C12orf42: variants seen among roughly 807,000 people sequenced by gnomAD.
The protein encoded by C12orf42 is uncharacterized protein C12orf42.
C12orf42 carries 25 observed loss-of-function variants against 21.6 expected under a neutral mutation model. The ratio of observed to expected loss-of-function variants is 1.16; its 90% CI spans 0.84 to 1.62. C12orf42 has a LOEUF of 1.62. Ranked by LOEUF, C12orf42 falls within the 40% of genes most tolerant of loss-of-function variation. The probability of loss-of-function intolerance (pLI) is 0.00; values close to 1 mark genes in which losing one functional copy is unlikely to be tolerated. For missense variants in C12orf42, 483 were observed against 459.3 expected, an observed-to-expected ratio of 1.05 and a Z score of -0.47; for synonymous variants, 174 against 175.0, an observed-to-expected ratio of 0.99 and a Z score of 0.05.
chr12:103,520,056 AAAG>A, the C12orf42 span, among the ~76,000 whole-genome samples: 1 of 152,200 alleles, frequency 6.6e-6, no homozygotes. Context: ...TCAAAGTGAC[AAAG>A]AAGTCCCACT....
intron 10 of C12orf42, among the ~76,000 whole-genome samples, chr12:103,255,453 A>T (rs2034515819): frequency 6.6e-6 from 1 of 152,168 alleles, no homozygotes; most frequent in Non-Finnish European, 1.5e-5. Flanking sequence ...CTCCCATTTA[A>T]ATTTTAGATT....
chr12:103,146,555 GAAAGA>G, the C12orf42 span, among the ~76,000 whole-genome samples: 6 of 87,874 alleles, frequency 6.8e-5, no homozygotes, highest in Non-Finnish European at 1.3e-4. Flanking sequence ...GAGAAATAAA[GAAAGA>G]AAAGAAAGAA....
At chr12:103,434,978 C>A (rs1429229384) in intron 2 of C12orf42, among the ~76,000 whole-genome samples, 2 of 152,228 alleles carry the variant, frequency 1.3e-5, no homozygotes, top group African/African-American at 4.8e-5. Context: ...ACAGCAGTAA[C>A]CTCTGCAGAC....
the C12orf42 span, among the ~76,000 whole-genome samples, chr12:103,135,807 C>T: frequency 1.1e-4 from 16 of 152,236 alleles, no homozygotes; most frequent in African/African-American, 1.9e-4. Context: ...AGACAAAGAA[C>T]GTATGGTTAT....
chr12:103,124,480 A>G, the C12orf42 span, among the ~76,000 whole-genome samples: 3 of 152,120 alleles, frequency 2.0e-5, no homozygotes, highest in Non-Finnish European at 2.9e-5. Context: ...CAGGACTCCA[A>G]GAGATCCTTG....
chr12:103,306,211 C>A lies in C12orf42; in HGVS notation c.394G>T (p.Ala132Ser), dbSNP rs1366557810. 1 of 1,613,922 alleles carries A rather than the reference C, an allele frequency of 6.2e-7. No homozygotes were observed. The highest frequency in any genetic ancestry group is 1.3e-5 in the African/African-American group (1 of 75,046). The change falls in exon 5 of 6, where the codon GCA (alanine) becomes TCA (serine). Residue 132 changes from alanine (A) to serine (S), a missense_variant. Coordinates refer to ENST00000548883, the MANE Select transcript of C12orf42 (RefSeq NM_198521.5). ...ESYEEFRSSP[A>S]PSSETDEAPL... ...GCCTCATCAGTTTCACTGGATGGTG[C>A]TGGAGAGGAACGGAATTCTTCATAG...
chr12:103,132,079 A>G, the C12orf42 span, among the ~76,000 whole-genome samples: 1 of 152,168 alleles, frequency 6.6e-6, no homozygotes, highest in East Asian at 1.9e-4. Flanking sequence ...CTCCTCAAAT[A>G]TTTGAGGCAG....
intron 4 of C12orf42, among the ~76,000 whole-genome samples, chr12:103,321,807 T>G (rs889533300): frequency 1.3e-5 from 2 of 150,542 alleles, no homozygotes; most frequent in Non-Finnish European, 3.0e-5. Flanking sequence ...TAGGTGGGAA[T>G]TGAACAATGA....
chr12:103,482,446 G>C (rs1954538663), intron 1 of C12orf42, among the ~76,000 whole-genome samples: 1 of 152,080 alleles, frequency 6.6e-6, no homozygotes, highest in Admixed American at 6.6e-5. Flanking sequence ...ATTCTCTACA[G>C]TGTTTTGGGT....
chr12:103,340,528 T>A (rs1211768378), intron 4 of C12orf42, among the ~76,000 whole-genome samples: 1 of 152,176 alleles, frequency 6.6e-6, no homozygotes, highest in African/African-American at 2.4e-5. Flanking sequence ...CTTAACTGTA[T>A]CACAGAATAA....
the C12orf42 span, among the ~76,000 whole-genome samples, chr12:103,196,884 C>A: frequency 6.6e-6 from 1 of 151,956 alleles, no homozygotes. Flanking sequence ...TCATTGTGTG[C>A]CTTTTAAGTG....
chr12:103,092,068 C>T, the C12orf42 span, among the ~76,000 whole-genome samples: 1 of 152,104 alleles, frequency 6.6e-6, no homozygotes, highest in East Asian at 1.9e-4. Flanking sequence ...GTTTGGTTTG[C>T]TATGTTCTTG....
the C12orf42 span, among the ~76,000 whole-genome samples, chr12:103,547,228 A>C: frequency 4.6e-5 from 7 of 152,236 alleles, no homozygotes; most frequent in South Asian, 2.1e-4. Context: ...GGCTATTTAC[A>C]TTTAAACTAA....
the C12orf42 span, among the ~76,000 whole-genome samples, chr12:103,193,286 A>T: frequency 6.6e-6 from 1 of 151,822 alleles, no homozygotes; most frequent in Admixed American, 6.6e-5. Flanking sequence ...TAAAAAAAAG[A>T]GAGAAACTCT....
Position 103,460,051 on chromosome 12 carries a change from T to C in C12orf42, c.78+18298A>G, listed in dbSNP as rs2137647427. ...AAAGTTCAGTCCAAAGTGGCTTAAC[T>C]CCAAGGGCACAGGACTCATAAAGAG... On this transcript the variant is annotated intron_variant, in intron 2 of 5. Coordinates refer to ENST00000548883, the MANE Select transcript of C12orf42 (RefSeq NM_198521.5). Among the ~76,000 whole-genome samples, 3 of 152,248 alleles carry C rather than the reference T, an allele frequency of 2.0e-5. No homozygotes were observed. The South Asian group carries it at 6.2e-4, about 32-fold the overall frequency.
the C12orf42 span, among the ~76,000 whole-genome samples, chr12:103,170,933 G>T: frequency 2.6e-5 from 4 of 152,032 alleles, no homozygotes; most frequent in Non-Finnish European, 5.9e-5. Flanking sequence ...ACTTTTTGAG[G>T]TTGCACATCA....
At chr12:103,302,794 C>CA (rs780556569) in intron 5 of C12orf42, among the ~76,000 whole-genome samples, 6,672 of 145,274 alleles carry the variant, frequency 0.046, 405 homozygotes, top group African/African-American at 0.14. Flanking sequence ...CCCAACACCT[C>CA]AAAAAAAAAA....
chr12:103,509,435 G>A, the C12orf42 span, among the ~76,000 whole-genome samples: 17 of 152,052 alleles, frequency 1.1e-4, no homozygotes, highest in African/African-American at 3.9e-4. Flanking sequence ...AGACAGCCTC[G>A]GAAATGCAAT....
At chr12:103,049,187 G>A in the C12orf42 span, among the ~76,000 whole-genome samples, 3 of 152,188 alleles carry the variant, frequency 2.0e-5, no homozygotes, top group Non-Finnish European at 4.4e-5. Context: ...CCATCTCAAA[G>A]TCAACATGTC....
Sources: allele counts gnomAD v4.1 joint callset (sites outside exome capture counted in the v4.1 genomes callset), GRCh38; gene constraint gnomAD v4.1.1; transcripts MANE v1.5; gene names NCBI Gene and HGNC (gene_info 2026-07-23, HGNC 2026-07-21).